TSHZ2: variants seen among roughly 807,000 people sequenced by gnomAD.
TSHZ2 encodes the protein teashirt homolog 2.
A neutral mutation model predicts 74.4 loss-of-function variants in TSHZ2; 21 were observed. That is an observed-to-expected ratio of 0.28 (90% CI 0.20 to 0.41). The LOEUF (loss-of-function observed/expected upper bound fraction) is 0.41. Ranked by LOEUF, TSHZ2 falls within the 10% of genes least tolerant of loss-of-function variation. The probability of loss-of-function intolerance (pLI) is 1.00; values close to 1 mark genes in which losing one functional copy is unlikely to be tolerated. For missense variants in TSHZ2, 1,244 were observed against 1,293.5 expected (o/e 0.96, Z 0.59); for synonymous variants, 540 against 515.3 (o/e 1.05, Z -0.65).
At chr20:53,019,137 T>C (rs930263229) in intron 1 of TSHZ2, among the ~76,000 whole-genome samples, 2 of 152,176 alleles carry the variant, frequency 1.3e-5, no homozygotes, top group Admixed American at 6.5e-5. Flanking sequence ...ACTTGGCACA[T>C]AGGTTACAGG....
intron 2 of TSHZ2, among the ~76,000 whole-genome samples, chr20:53,445,600 G>A (rs774328416): frequency 2.0e-5 from 3 of 152,140 alleles, no homozygotes; most frequent in Non-Finnish European, 4.4e-5. Context: ...ATTGGCAATG[G>A]AAAGTGGCCA....
At position 53,071,879 on chromosome 20, in the gene TSHZ2, C is replaced by T. The variant is rs184274284; in HGVS notation, c.40+98546C>T. ...GGAGACACTGAGGGCTTTGGATTGT[C>T]GTTGTCTCAACCAGGAATGATCCTG... On this transcript the variant is annotated intron_variant, in intron 1 of 2. Coordinates refer to ENST00000371497, the MANE Select transcript of TSHZ2 (RefSeq NM_173485.6). Among the ~76,000 whole-genome samples, 14 of 152,266 alleles carry T rather than the reference C, an allele frequency of 9.2e-5. No individual in the cohort carries two copies. In the East Asian group the frequency reaches 1.2e-3, roughly 13 times the overall value.
chr20:53,236,039 C>T (rs978847146), intron 1 of TSHZ2, among the ~76,000 whole-genome samples: 1 of 152,208 alleles, frequency 6.6e-6, no homozygotes, highest in African/African-American at 2.4e-5. Context: ...AGTTCACCAA[C>T]ACAGCTGAAT....
intron 2 of TSHZ2, among the ~76,000 whole-genome samples, chr20:53,412,107 G>A (rs1568905976): frequency 6.6e-6 from 1 of 152,198 alleles, no homozygotes; most frequent in Non-Finnish European, 1.5e-5. Flanking sequence ...TCTTAGCAGG[G>A]ACGAGCCCAT....
At chr20:53,011,597 C>G (rs565375103) in intron 1 of TSHZ2, among the ~76,000 whole-genome samples, 1 of 152,112 alleles carries the variant, frequency 6.6e-6, no homozygotes, top group East Asian at 1.9e-4. Context: ...TTTTGAATAT[C>G]AAAGAGCACA....
intron 2 of TSHZ2, among the ~76,000 whole-genome samples, chr20:53,343,587 G>A (rs1187108830): frequency 6.6e-6 from 1 of 152,182 alleles, no homozygotes; most frequent in Admixed American, 6.5e-5. Context: ...GAGCCAGCCT[G>A]GAATTCTGCC....
At chr20:53,321,561 G>C in intron 2 of TSHZ2, among the ~76,000 whole-genome samples, 1 of 151,744 alleles carries the variant, frequency 6.6e-6, no homozygotes, top group South Asian at 2.1e-4. Context: ...GCACATGCCT[G>C]TAATCCCAGC....
At chr20:53,317,230 GTC>G (rs1979061813) in intron 2 of TSHZ2, among the ~76,000 whole-genome samples, 1 of 152,220 alleles carries the variant, frequency 6.6e-6, no homozygotes, top group Non-Finnish European at 1.5e-5. Flanking sequence ...GAACTCCCTA[GTC>G]TTGGGCAAAA....
intron 2 of TSHZ2, among the ~76,000 whole-genome samples, chr20:53,401,559 C>G (rs930827717): frequency 7.2e-5 from 11 of 151,816 alleles, no homozygotes; most frequent in South Asian, 4.2e-4. Flanking sequence ...ACCCCTCCCC[C>G]CCGAGTCCCC....
intron 2 of TSHZ2, chr20:53,412,561 G>C (rs993008265): frequency 1.3e-5 from 2 of 152,290 alleles, no homozygotes; most frequent in Admixed American, 6.5e-5. Flanking sequence ...GGCACTCACG[G>C]GTTCTGTGGA....
intron 2 of TSHZ2, among the ~76,000 whole-genome samples, chr20:53,293,737 G>A (rs1991324522): frequency 6.6e-6 from 1 of 150,962 alleles, no homozygotes; most frequent in African/African-American, 2.4e-5. Flanking sequence ...ACAGGTCCTG[G>A]CCAGGCATGG....
intron 1 of TSHZ2, among the ~76,000 whole-genome samples, chr20:53,242,312 A>T (rs1204019828): frequency 6.6e-6 from 1 of 152,060 alleles, no homozygotes; most frequent in Admixed American, 6.6e-5. Flanking sequence ...GGGAACAAAA[A>T]CCACCCCCAG....
intron 2 of TSHZ2, among the ~76,000 whole-genome samples, chr20:53,469,018 A>C (rs1327807833): frequency 7.4e-6 from 1 of 135,542 alleles, no homozygotes; most frequent in Non-Finnish European, 1.6e-5. Flanking sequence ...CTTGGCAGTT[A>C]AACCTAAAGG....
chr20:53,262,673 A>G (rs1186372628), intron 2 of TSHZ2, among the ~76,000 whole-genome samples: 1 of 152,172 alleles, frequency 6.6e-6, no homozygotes. Context: ...CAAGAATCGC[A>G]GGGCAGTTTG....
At chr20:53,285,534 A>G (rs1991148169) in intron 2 of TSHZ2, among the ~76,000 whole-genome samples, 1 of 151,750 alleles carries the variant, frequency 6.6e-6, no homozygotes, top group Non-Finnish European at 1.5e-5. Flanking sequence ...ACATGGTGAA[A>G]CCCCATCTCT....
chr20:53,460,846 C>T (rs1275934835), intron 2 of TSHZ2, among the ~76,000 whole-genome samples: 1 of 152,218 alleles, frequency 6.6e-6, no homozygotes, highest in Non-Finnish European at 1.5e-5. Flanking sequence ...GGGTGCCTCC[C>T]AGTTAGGCTG....
At chr20:53,421,691 T>TTTTTTTTTG (rs1983476639) in intron 2 of TSHZ2, 1 of 140,916 alleles carries the variant, frequency 7.1e-6, no homozygotes, top group Non-Finnish European at 1.5e-5. Flanking sequence ...GTTTTTTTTT[T>TTTTTTTTTG]TTTTTTTTTT....
intron 1 of TSHZ2, among the ~76,000 whole-genome samples, chr20:53,061,368 T>C (rs1419837311): frequency 2.0e-5 from 3 of 152,152 alleles, no homozygotes; most frequent in African/African-American, 7.2e-5. Flanking sequence ...TAAACCCAAA[T>C]GCATTTGAAC....
chr20:53,393,299 A>G (rs927744179), intron 2 of TSHZ2, among the ~76,000 whole-genome samples: 6 of 152,224 alleles, frequency 3.9e-5, no homozygotes, highest in Admixed American at 2.6e-4. Context: ...CGCTTAGTAT[A>G]ATGACCTTCA....
Sources: gnomAD v4.1 joint callset for allele counts (sites outside exome capture counted in the v4.1 genomes callset) on GRCh38, gnomAD v4.1.1 for gene constraint, MANE v1.5 for transcripts, NCBI Gene and HGNC (gene_info 2026-07-23, HGNC 2026-07-21) for gene names.